Variants in DACH1 observed in about 807,000 individuals in gnomAD.
The protein encoded by DACH1 is dachshund family transcription factor 1.
A neutral mutation model predicts 54.2 loss-of-function variants in DACH1; 12 were observed. That is an observed-to-expected ratio of 0.22 (90% confidence interval 0.14 to 0.36). The LOEUF (loss-of-function observed/expected upper bound fraction) is 0.36. DACH1 is among the 10% of genes least tolerant of loss of function. DACH1 has a pLI of 1.00. For synonymous variants in DACH1, 386 were observed against 366.2 expected, an observed-to-expected ratio of 1.05 and a Z score of -0.62; for missense variants, 805 against 929.8, an observed-to-expected ratio of 0.87 and a Z score of 1.75.
chr13:71,781,537 C>G (rs1442531434), intron 1 of DACH1, among the ~76,000 whole-genome samples: 1 of 151,808 alleles, frequency 6.6e-6, no homozygotes, highest in Non-Finnish European at 1.5e-5. Context: ...CGCCAAAGCG[C>G]CCGGCTAATT....
chr13:71,716,442 C>T (rs1186966285), intron 1 of DACH1, among the ~76,000 whole-genome samples: 1 of 152,088 alleles, frequency 6.6e-6, no homozygotes, highest in Admixed American at 6.6e-5. Context: ...TTCCTACCCT[C>T]ACTCTGTAGT....
chr13:71,745,148 T>C (rs1884551823), intron 1 of DACH1, among the ~76,000 whole-genome samples: 1 of 152,190 alleles, frequency 6.6e-6, no homozygotes, highest in Admixed American at 6.5e-5. Context: ...ATTCCTTTTT[T>C]TTGTTTCAAA....
At chr13:71,738,096 G>A (rs989485791) in intron 1 of DACH1, among the ~76,000 whole-genome samples, 5 of 152,146 alleles carry the variant, frequency 3.3e-5, no homozygotes, top group Middle Eastern at 3.2e-3. Flanking sequence ...TTCAAAGCAC[G>A]AGTTATTTGA....
rs1882342060 is a variant in DACH1 at position 71,704,706 on chromosome 13, C to T, written c.849-22796G>A. 2 of 189,864 alleles carry T rather than the reference C, an allele frequency of 1.1e-5. 1 individual carries two copies. The highest frequency in any genetic ancestry group is 4.8e-5 in the African/African-American group (2 of 41,962). The allele number at this position is 189,864 out of a possible 1,614,324, so 11.8% of individuals were successfully genotyped here. On this transcript the variant is annotated intron_variant, in intron 1 of 10. Transcript: ENST00000613252. ...AGATCTCTGGACTGTGAAAATGTTTCTCTTTATTGAGTAGAAGTATGGCGT... is the reference window on the plus strand; with the variant it reads ...AGATCTCTGGACTGTGAAAATGTTTTTCTTTATTGAGTAGAAGTATGGCGT...
Position 71,438,636 on chromosome 13 carries a change from C to A in DACH1, c.*2019G>T, listed in dbSNP as rs1457520946. 6.6e-6 allele frequency: 1 copy of A among 152,340 alleles called. No homozygotes were observed. Among genetic ancestry groups the A allele is most frequent in the Admixed American group, 6.6e-5 (1 of 15,248 alleles). The allele number at this position is 152,340 out of a possible 1,614,324, so 9.4% of individuals were successfully genotyped here. A position where few individuals can be genotyped will look rare whatever the true frequency, so the allele number is the denominator to read the frequency against. Reference sequence around the variant, plus strand: ...CTCTATGCCAGGAGCAGAGCAATGGCTGATTCTACTACATATGTAAGTTGT... The same window carrying A: ...CTCTATGCCAGGAGCAGAGCAATGGATGATTCTACTACATATGTAAGTTGT... On this transcript the variant is annotated 3_prime_UTR_variant, in exon 11 of 11. Transcript: ENST00000613252.
intron 6 of DACH1, among the ~76,000 whole-genome samples, chr13:71,546,449 T>A (rs187228782): frequency 6.6e-6 from 1 of 152,164 alleles, no homozygotes; most frequent in African/African-American, 2.4e-5. Flanking sequence ...ACTTAGTTAT[T>A]ACTATTTTGA....
intron 1 of DACH1, among the ~76,000 whole-genome samples, chr13:71,864,998 A>C (rs2138303703): frequency 6.6e-6 from 1 of 152,294 alleles, no homozygotes; most frequent in African/African-American, 2.4e-5. Context: ...AAAGAGACAG[A>C]GAACTCGAAA....
intron 6 of DACH1, among the ~76,000 whole-genome samples, chr13:71,529,474 G>A (rs776463677): frequency 1.8e-4 from 28 of 152,186 alleles, no homozygotes; most frequent in African/African-American, 2.6e-4. Context: ...GAGCCACTGC[G>A]CCCAGCTGAT....
At chr13:71,770,918 G>C (rs528817080) in intron 1 of DACH1, among the ~76,000 whole-genome samples, 1 of 151,622 alleles carries the variant, frequency 6.6e-6, no homozygotes, top group Non-Finnish European at 1.5e-5. Context: ...ATTGGAATTT[G>C]TGTTAACTTC....
At chr13:71,763,218 A>G (rs1309913440) in intron 1 of DACH1, among the ~76,000 whole-genome samples, 1 of 152,236 alleles carries the variant, frequency 6.6e-6, no homozygotes, top group Non-Finnish European at 1.5e-5. Context: ...TTTGCAGATT[A>G]TAAAACTGAG....
At chr13:71,624,292 T>C (rs890356305) in intron 3 of DACH1, among the ~76,000 whole-genome samples, 4 of 151,944 alleles carry the variant, frequency 2.6e-5, no homozygotes, top group African/African-American at 7.2e-5. Flanking sequence ...GAGATGCTTA[T>C]GTGGTCTTCC....
intron 3 of DACH1, among the ~76,000 whole-genome samples, chr13:71,611,118 T>A (rs1875298455): frequency 6.6e-6 from 1 of 152,198 alleles, no homozygotes; most frequent in African/African-American, 2.4e-5. Context: ...GCAATTTGAA[T>A]TTCTCTGGTA....
intron 1 of DACH1, among the ~76,000 whole-genome samples, chr13:71,741,590 C>T (rs74407665): frequency 4.0e-5 from 6 of 151,862 alleles, no homozygotes; most frequent in East Asian, 1.9e-4. Context: ...ATTAATGATC[C>T]CTCTGATAAT....
intron 1 of DACH1, among the ~76,000 whole-genome samples, chr13:71,851,698 C>T (rs914875187): frequency 1.3e-4 from 20 of 152,060 alleles, no homozygotes; most frequent in African/African-American, 4.8e-4. Context: ...ACATTCTAAC[C>T]CCCACCCCAA....
intron 10 of DACH1, among the ~76,000 whole-genome samples, chr13:71,466,060 A>G (rs1251823255): frequency 6.6e-6 from 1 of 152,140 alleles, no homozygotes. Flanking sequence ...AAATTTCTAA[A>G]TTCCCCAAGT....
chr13:71,521,585 T>C (rs1881604276), intron 6 of DACH1, among the ~76,000 whole-genome samples: 1 of 152,164 alleles, frequency 6.6e-6, no homozygotes, highest in African/African-American at 2.4e-5. Context: ...TATTCCTATA[T>C]GGTTTCCTCT....
intron 1 of DACH1, among the ~76,000 whole-genome samples, chr13:71,865,127 T>C (rs1158093353): frequency 6.6e-6 from 1 of 152,010 alleles, no homozygotes; most frequent in Non-Finnish European, 1.5e-5. Context: ...CTGGTTGCCC[T>C]CGCATCTGCC....
At position 71,491,533 on chromosome 13, in the gene DACH1, C is replaced by T. The variant is rs541109279; in HGVS notation, c.1571-2385G>A. On this transcript the variant is annotated intron_variant, in intron 6 of 10. Coordinates refer to ENST00000613252, the MANE Select transcript of DACH1 (RefSeq NM_080759.6). ...TTGGATTCCTTCATTTATCATCTTA[C>T]ATAGCGAAGAGACTACGTAAGGACG... Among the ~76,000 whole-genome samples, 3 of 152,272 alleles carry T rather than the reference C, an allele frequency of 2.0e-5. No individual in the cohort carries two copies. The South Asian group carries it at 6.2e-4, about 32-fold the overall frequency.
intron 3 of DACH1, among the ~76,000 whole-genome samples, chr13:71,622,918 A>G (rs1389272843): frequency 1.3e-5 from 2 of 151,808 alleles, no homozygotes; most frequent in Non-Finnish European, 3.0e-5. Context: ...ATATTTTTGA[A>G]TTATGTTCTC....
Sources: allele counts gnomAD v4.1 joint callset (sites outside exome capture counted in the v4.1 genomes callset), GRCh38; gene constraint gnomAD v4.1.1; transcripts MANE v1.5; gene names NCBI Gene and HGNC (gene_info 2026-07-23, HGNC 2026-07-21).